The following PLSCR2 variants were observed in gnomAD, a reference collection of about 807,000 sequenced individuals.
PLSCR2 encodes phospholipid scramblase 2.
In PLSCR2, 18 loss-of-function variants were observed where a neutral mutation model predicts 25.3. The observed-to-expected ratio is 0.71, with a 90% confidence interval of 0.49 to 1.06. The LOEUF (loss-of-function observed/expected upper bound fraction) is 1.06. PLSCR2 is among the 50% of genes least tolerant of loss of function. The probability of loss-of-function intolerance (pLI) is 0.00; values close to 1 mark genes in which losing one functional copy is unlikely to be tolerated. For synonymous variants in PLSCR2, 88 were observed against 87.3 expected, an observed-to-expected ratio of 1.01 and a Z score of -0.04; for missense variants, 243 against 269.5, an observed-to-expected ratio of 0.90 and a Z score of 0.69.
At chr3:146,394,170 A>G (rs1472306345) in intron 3 of PLSCR2, among the ~76,000 whole-genome samples, 1 of 151,874 alleles carries the variant, frequency 6.6e-6, no homozygotes, top group African/African-American at 2.4e-5. Flanking sequence ...ATTTATCCAT[A>G]TTCTCTTTCT....
chr3:146,416,191 C>T (rs1359505817), intron 2 of PLSCR2, among the ~76,000 whole-genome samples: 1 of 151,874 alleles, frequency 6.6e-6, no homozygotes, highest in Non-Finnish European at 1.5e-5. Flanking sequence ...ACCTCATGAT[C>T]CGCCCGCCTC....
chr3:146,449,304 T>C, exon 6 of PLSCR2: 9 of 1,612,024 alleles, frequency 5.6e-6, no homozygotes, highest in Non-Finnish European at 6.8e-6. Context: ...AATGCCTCTC[T>C]TAAAAACCCA....
chr3:146,395,636 G>T (rs1031883245), intron 3 of PLSCR2: 5 of 156,250 alleles, frequency 3.2e-5, no homozygotes, highest in African/African-American at 1.2e-4. Flanking sequence ...TTCGGGGACT[G>T]AGGATGGCCA....
chr3:146,430,922 C>T (rs1468812521), downstream of PLSCR2, among the ~76,000 whole-genome samples: 1 of 152,126 alleles, frequency 6.6e-6, no homozygotes, highest in Admixed American at 6.5e-5. Flanking sequence ...ACTCTTCCTC[C>T]TCAATGTTAC....
At chr3:146,452,046 T>C (rs909327274) in intron 5 of PLSCR2, among the ~76,000 whole-genome samples, 1 of 152,244 alleles carries the variant, frequency 6.6e-6, no homozygotes, top group African/African-American at 2.4e-5. Context: ...TCCTGCTTTA[T>C]AGCTAGTTGG....
At chr3:146,404,111 G>A (rs531115419) in intron 2 of PLSCR2, among the ~76,000 whole-genome samples, 9 of 152,236 alleles carry the variant, frequency 5.9e-5, no homozygotes, top group African/African-American at 2.2e-4. Context: ...TACAGCAGTA[G>A]GGACCACATG....
chr3:146,426,358 T>C (rs1338110386), intron 2 of PLSCR2, among the ~76,000 whole-genome samples: 1 of 151,944 alleles, frequency 6.6e-6, no homozygotes, highest in African/African-American at 2.4e-5. Flanking sequence ...GTCTGATTAT[T>C]CTACCTATTG....
At chr3:146,471,086 TTC>T in intron 1 of PLSCR2, among the ~76,000 whole-genome samples, 1 of 152,180 alleles carries the variant, frequency 6.6e-6, no homozygotes, top group South Asian at 2.1e-4. Context: ...TATACAGCTC[TTC>T]TCTGATGTGT....
intron 1 of PLSCR2, among the ~76,000 whole-genome samples, chr3:146,492,013 T>C (rs952554082): frequency 2.0e-5 from 3 of 152,178 alleles, no homozygotes; most frequent in African/African-American, 7.2e-5. Context: ...CTTTGTGTTT[T>C]TGTATCCTTT....
At position 146,483,294 on chromosome 3, in the gene PLSCR2, C is replaced by A. The variant is rs1467847000; in HGVS notation, c.-293+12601G>T. Among the ~76,000 whole-genome samples the A allele has an allele frequency of 1.0e-4, 4 of 39,202 alleles. No homozygotes were observed. In the East Asian group the frequency reaches 1.7e-3, roughly 17 times the overall value. 25.7% of individuals were successfully genotyped at this position (39,202 alleles called of 152,430 possible). A position where few individuals can be genotyped will look rare whatever the true frequency, so the allele number is the denominator to read the frequency against. On this transcript the variant is annotated intron_variant, in intron 1 of 8. Coordinates refer to the PLSCR2 transcript ENST00000336685. ...AACGTGGTGAACGGGGGGTGGGGGG[C>A]TGGGGGAGGGATAGCATTAGGAGAA...
In PLSCR2 at chr3:146,469,497, G is replaced by A. The variant is rs57270112; in HGVS notation, c.-292-9213C>T. On this transcript the variant is annotated intron_variant, in intron 1 of 8. The change creates a new upstream start codon in the 5' untranslated region. Transcript: ENST00000336685. ...GACTGAGAAAGCCGCCCCCTTACCC[G>A]TGGCTGCAGCTGCTCCCGCACAGCC... 6,277 of 984,730 alleles carry A rather than the reference G, an allele frequency of 6.4e-3. 323 individuals carry two copies. In the African/African-American group the frequency reaches 0.098, roughly 15 times the overall value. 61.0% of individuals were successfully genotyped at this position (984,730 alleles called of 1,614,324 possible).
upstream of PLSCR2, among the ~76,000 whole-genome samples, chr3:146,462,154 C>A (rs375987379): frequency 2.0e-5 from 3 of 151,960 alleles, no homozygotes; most frequent in African/African-American, 7.3e-5. Flanking sequence ...ACAATACAGT[C>A]ACATTCATGG....
downstream of PLSCR2, among the ~76,000 whole-genome samples, chr3:146,440,619 A>G (rs777311589): frequency 6.6e-6 from 1 of 152,154 alleles, no homozygotes; most frequent in Non-Finnish European, 1.5e-5. Flanking sequence ...CTCAGTTGGA[A>G]AAGCTGAAAT....
At chr3:146,411,117 C>T (rs2108039600) in intron 2 of PLSCR2, among the ~76,000 whole-genome samples, 1 of 151,684 alleles carries the variant, frequency 6.6e-6, no homozygotes, top group South Asian at 2.1e-4. Context: ...GAAACCTGAA[C>T]AAAAGAAGGA....
intron 2 of PLSCR2, among the ~76,000 whole-genome samples, chr3:146,459,307 T>G (rs1428124911): frequency 6.6e-6 from 1 of 152,176 alleles, no homozygotes; most frequent in African/African-American, 2.4e-5. Context: ...TTACTAAAAC[T>G]CAACTCTAAA....
chr3:146,454,035 G>C, exon 5 of PLSCR2: 1 of 1,602,480 alleles, frequency 6.2e-7, no homozygotes, highest in Non-Finnish European at 8.5e-7. Context: ...AGCTGCACAC[G>C]ATACATGGAC....
intron 2 of PLSCR2, among the ~76,000 whole-genome samples, chr3:146,401,864 T>A (rs1035125453): frequency 3.3e-5 from 5 of 151,784 alleles, no homozygotes; most frequent in Admixed American, 3.3e-4. Context: ...ATTCTTCATC[T>A]TTTCCTTATT....
At chr3:146,430,023 TC>T (rs1005413632), downstream of PLSCR2, among the ~76,000 whole-genome samples, 1 of 151,838 alleles carries the variant, frequency 6.6e-6, no homozygotes, top group African/African-American at 2.4e-5. Context: ...CAAAGCAGTT[TC>T]CCCCCACTAA....
intron 2 of PLSCR2, among the ~76,000 whole-genome samples, chr3:146,416,816 C>T (rs926335071): frequency 6.6e-6 from 1 of 151,868 alleles, no homozygotes; most frequent in Non-Finnish European, 1.5e-5. Flanking sequence ...TATCAAATAC[C>T]AAAAAGGAAT....
Sources: gnomAD v4.1 joint callset for allele counts (sites outside exome capture counted in the v4.1 genomes callset) on GRCh38, gnomAD v4.1.1 for gene constraint, MANE v1.5 for transcripts, NCBI Gene and HGNC (gene_info 2026-07-23, HGNC 2026-07-21) for gene names.